LAMC1: variants seen among roughly 807,000 people sequenced by gnomAD.
LAMC1 encodes the protein laminin subunit gamma-1.
A neutral mutation model predicts 173.6 loss-of-function variants in LAMC1; 38 were observed. The observed-to-expected ratio is 0.22, with a 90% CI of 0.17 to 0.29. The LOEUF is 0.29. LAMC1 is among the 10% of genes least tolerant of loss of function. The probability of loss-of-function intolerance (pLI) is 1.00; values close to 1 mark genes in which losing one functional copy is unlikely to be tolerated. For synonymous variants in LAMC1, 746 were observed against 749.1 expected, an observed-to-expected ratio of 1.00 and a Z score of 0.07; for missense variants, 1,824 against 2,051.8, an observed-to-expected ratio of 0.89 and a Z score of 2.14.
intron 1 of LAMC1, among the ~76,000 whole-genome samples, chr1:183,062,642 C>T (rs980547010): frequency 1.3e-5 from 2 of 151,764 alleles, no homozygotes; most frequent in South Asian, 4.2e-4. Context: ...GAGACTCTGT[C>T]TAAAAAAATA....
At chr1:183,085,784 T>C (rs1655411711) in intron 1 of LAMC1, among the ~76,000 whole-genome samples, 1 of 152,218 alleles carries the variant, frequency 6.6e-6, no homozygotes. Flanking sequence ...AAAAAGTTTA[T>C]AAATATGCTT....
chr1:183,068,147 T>C (rs965882668), intron 1 of LAMC1, among the ~76,000 whole-genome samples: 18 of 152,126 alleles, frequency 1.2e-4, no homozygotes, highest in African/African-American at 4.3e-4. Context: ...AAATTGAAAA[T>C]GGATTTCTTT....
chr1:183,107,746 C>T (rs10911246), intron 2 of LAMC1, among the ~76,000 whole-genome samples: 78,388 of 151,816 alleles, frequency 0.52, 20,913 homozygotes, highest in South Asian at 0.65. Context: ...AGGAGAATGG[C>T]GTGAACCCAA....
At chr1:183,117,826 C>A in intron 10 of LAMC1, 103 bp downstream of exon 10, 1 of 1,086,972 alleles carries the variant, frequency 9.2e-7, no homozygotes, top group South Asian at 1.6e-5. Context: ...AGAAAAACTT[C>A]TGGGTTATTG....
At chr1:183,054,897 C>T (rs1174131082) in intron 1 of LAMC1, among the ~76,000 whole-genome samples, 3 of 152,072 alleles carry the variant, frequency 2.0e-5, no homozygotes, top group Non-Finnish European at 2.9e-5. Flanking sequence ...AGTGGTTCCT[C>T]ATGGTATCAG....
chr1:183,055,335 G>A (rs1654558674), intron 1 of LAMC1, among the ~76,000 whole-genome samples: 1 of 151,912 alleles, frequency 6.6e-6, no homozygotes, highest in Non-Finnish European at 1.5e-5. Flanking sequence ...GAAATGTGGC[G>A]ATAGATGTTT....
At chr1:183,135,627 GTAAT>G (rs1656916469) in intron 24 of LAMC1, among the ~76,000 whole-genome samples, 1 of 152,082 alleles carries the variant, frequency 6.6e-6, no homozygotes, top group Admixed American at 6.5e-5. Flanking sequence ...ACGGTGGCCT[GTAAT>G]CCCAACACTT....
intron 1 of LAMC1, among the ~76,000 whole-genome samples, chr1:183,048,851 G>C (rs776468237): frequency 1.8e-4 from 27 of 151,904 alleles, no homozygotes; most frequent in Admixed American, 1.6e-3. Flanking sequence ...TCTCCCTTCC[G>C]CTCTGTTGTA....
chr1:183,042,287 T>A (rs1654157282), intron 1 of LAMC1, among the ~76,000 whole-genome samples: 1 of 152,124 alleles, frequency 6.6e-6, no homozygotes, highest in Non-Finnish European at 1.5e-5. Context: ...GCTTTCCAAT[T>A]GGGAAGATAT....
At position 183,108,530 on chromosome 1, in the gene LAMC1, G is replaced by A. The variant is rs906729838; in HGVS notation, c.854+124G>A. 1.1e-4 allele frequency: 89 copies of A among 775,562 alleles called. 1 individual carries two copies. The South Asian group carries it at 1.4e-3, about 12-fold the overall frequency. The allele number at this position is 775,562 out of a possible 1,614,324, so 48.0% of individuals were successfully genotyped here. On this transcript the variant is annotated intron_variant, in intron 3 of 27. Transcript: ENST00000258341. ...TGTTTTCTTTACCAAGAATAGGAGC[G>A]GCAGTCCTTCCTGTGTGATAATGCT...
At chr1:183,099,002 C>G (rs1354640518) in intron 1 of LAMC1, among the ~76,000 whole-genome samples, 1 of 152,040 alleles carries the variant, frequency 6.6e-6, no homozygotes, top group Non-Finnish European at 1.5e-5. Flanking sequence ...TATCATCTTC[C>G]CCTCCTTCTC....
intron 11 of LAMC1, among the ~76,000 whole-genome samples, 156 bp from the exon 12 acceptor site, chr1:183,121,558 CAGGGTGTAG>C (rs1209569232): frequency 6.6e-6 from 1 of 152,176 alleles, no homozygotes; most frequent in Non-Finnish European, 1.5e-5. Context: ...TTCTCTTCTC[CAGGGTGTAG>C]ACGTGGATAT....
Position 183,117,571 on chromosome 1 carries a change from G to A in LAMC1, c.1725G>A (p.Gln575=), listed in dbSNP as rs770730644. 6.2e-7 allele frequency: 1 copy of A among 1,614,198 alleles called. No individual in the cohort carries two copies. The highest frequency in any genetic ancestry group is 8.5e-7 in the Non-Finnish European group (1 of 1,180,042). ...GCAAGCAGGTGTTGAGTTATGGTCA[G>A]AACCTCTCCTTCTCCTTTCGAGTGG... ...FLGKQVLSYG[Q]NLSFSFRVDR... Residue 575 remains glutamine, a synonymous_variant, in exon 10 of 28, where the codon CAG becomes CAA. Coordinates refer to ENST00000258341, the MANE Select transcript of LAMC1 (RefSeq NM_002293.4).
chr1:183,030,368 T>C (rs1248670910), intron 1 of LAMC1, among the ~76,000 whole-genome samples: 2 of 152,222 alleles, frequency 1.3e-5, no homozygotes, highest in African/African-American at 4.8e-5. Flanking sequence ...TTCACTTCAC[T>C]GACTGTTTGG....
rs1558062683 is a variant in LAMC1, at chr1:183,140,441, G to A, written c.4511G>A (p.Arg1504Lys). Residue 1504 changes from arginine (R) to lysine (K), a missense_variant, in exon 27 of 28, where the codon AGA becomes AAA. Coordinates refer to ENST00000258341, the MANE Select transcript of LAMC1 (RefSeq NM_002293.4). ...QAAQEAEINA[R>K]KAKNSVTSLL... Reference sequence around the variant, plus strand: ...GCTCAAGAAGCCGAGATCAATGCCAGAAAAGCCAAAAACTCTGTTACTAGC... The same window carrying A: ...GCTCAAGAAGCCGAGATCAATGCCAAAAAAGCCAAAAACTCTGTTACTAGC... The A allele has an allele frequency of 1.2e-6, 2 of 1,613,628 alleles. No homozygotes were observed. Among genetic ancestry groups the A allele is most frequent in the Admixed American group, 1.7e-5 (1 of 59,982 alleles).
chr1:183,131,008 C>T (rs1295087475), intron 19 of LAMC1, among the ~76,000 whole-genome samples: 2 of 152,018 alleles, frequency 1.3e-5, no homozygotes, highest in Admixed American at 1.3e-4. Flanking sequence ...AACCCCGTCT[C>T]TACTAAAAAT....
At chr1:183,129,802 A>G (rs1485009573) in intron 18 of LAMC1, among the ~76,000 whole-genome samples, 1 of 146,622 alleles carries the variant, frequency 6.8e-6, no homozygotes, top group East Asian at 2.0e-4. Flanking sequence ...TCAAAAACAG[A>G]GATCAGTTTG....
chr1:183,031,463 C>G (rs1000232346), intron 1 of LAMC1, among the ~76,000 whole-genome samples: 2 of 152,136 alleles, frequency 1.3e-5, no homozygotes, highest in Non-Finnish European at 2.9e-5. Flanking sequence ...TGCCACCACA[C>G]CCAGCTAATT....
At position 183,023,914 on chromosome 1, in the gene LAMC1, C is replaced by T. The variant is rs1285389905; in HGVS notation, c.198C>T (p.Thr66=). 1 of 1,613,188 alleles carries T rather than the reference C, an allele frequency of 6.2e-7. No individual in the cohort carries two copies. Among genetic ancestry groups the T allele is most frequent in the African/African-American group, 1.3e-5 (1 of 75,048 alleles). The change falls in exon 1 of 28, where the codon ACC becomes ACT. Residue 66 remains threonine (T), a synonymous_variant. Transcript: ENST00000258341. ...NAAFNVTVVA[T]NTCGTPPEEY... ...CCTTCAACGTGACTGTGGTGGCCAC[C>T]AACACGTGTGGGACTCCGCCCGAGG...
Sources: allele counts gnomAD v4.1 joint callset (sites outside exome capture counted in the v4.1 genomes callset), GRCh38; gene constraint gnomAD v4.1.1; transcripts MANE v1.5; gene names NCBI Gene and HGNC (gene_info 2026-07-23, HGNC 2026-07-21).